The following TSHZ2 variants were observed in gnomAD, a reference collection of about 807,000 sequenced individuals.
The protein encoded by TSHZ2 is teashirt homolog 2.
A neutral mutation model predicts 74.4 loss-of-function variants in TSHZ2; 21 were observed. The observed-to-expected ratio is 0.28, with a 90% confidence interval of 0.20 to 0.41. The LOEUF (loss-of-function observed/expected upper bound fraction) is 0.41. Ranked by LOEUF, TSHZ2 falls within the 10% of genes least tolerant of loss-of-function variation. TSHZ2 has a pLI of 1.00. For synonymous variants in TSHZ2, 540 were observed against 515.3 expected, an observed-to-expected ratio of 1.05 and a Z score of -0.65; for missense variants, 1,244 against 1,293.5, an observed-to-expected ratio of 0.96 and a Z score of 0.59.
At chr20:52,979,031 C>A (rs553429343) in intron 1 of TSHZ2, among the ~76,000 whole-genome samples, 1 of 152,062 alleles carries the variant, frequency 6.6e-6, no homozygotes, top group East Asian at 1.9e-4. Context: ...CTTTGGCAAG[C>A]AGCTCTTCGA....
At chr20:53,137,367 G>A (rs1280306195) in intron 1 of TSHZ2, among the ~76,000 whole-genome samples, 1 of 149,366 alleles carries the variant, frequency 6.7e-6, no homozygotes, top group Non-Finnish European at 1.5e-5. Flanking sequence ...GATCTTGCTG[G>A]CTCCGTCACC....
intron 2 of TSHZ2, among the ~76,000 whole-genome samples, chr20:53,433,851 C>T (rs962337274): frequency 1.3e-5 from 2 of 152,134 alleles, no homozygotes; most frequent in East Asian, 1.9e-4. Context: ...CCAAAAATTT[C>T]CTAAATAAAA....
intron 1 of TSHZ2, among the ~76,000 whole-genome samples, 170 bp downstream of exon 1, chr20:52,973,503 C>T (rs573046082): frequency 6.5e-4 from 99 of 152,310 alleles, no homozygotes; most frequent in Non-Finnish European, 1.3e-3. Flanking sequence ...CTCCCAAATC[C>T]TCCCCTTCCA....
intron 1 of TSHZ2, among the ~76,000 whole-genome samples, chr20:52,976,382 C>A (rs1402575386): frequency 6.6e-6 from 1 of 152,166 alleles, no homozygotes; most frequent in Non-Finnish European, 1.5e-5. Context: ...GTTGAGAAAG[C>A]AGCCTACAGT....
At chr20:53,198,843 T>C (rs1262947605) in intron 1 of TSHZ2, among the ~76,000 whole-genome samples, 2 of 152,162 alleles carry the variant, frequency 1.3e-5, no homozygotes, top group Non-Finnish European at 2.9e-5. Flanking sequence ...AACATAATGG[T>C]GGCTAGTTTT....
chr20:53,023,148 T>C (rs1360434857), intron 1 of TSHZ2, among the ~76,000 whole-genome samples: 1 of 152,224 alleles, frequency 6.6e-6, no homozygotes, highest in African/African-American at 2.4e-5. Context: ...CTTGCTTGAA[T>C]TATAGAAGTC....
At chr20:53,405,117 C>T (rs777279736) in intron 2 of TSHZ2, among the ~76,000 whole-genome samples, 8 of 141,658 alleles carry the variant, frequency 5.6e-5, no homozygotes, top group East Asian at 3.9e-4. Flanking sequence ...GCTGTGGTTG[C>T]GCGTACCTAT....
chr20:53,254,567 G>A lies in TSHZ2; in HGVS notation c.1109G>A (p.Trp370Ter). The change falls in exon 2 of 3, where the codon TGG becomes TAG. Residue 370 changes from tryptophan (W) to a stop codon, truncating the protein, a stop_gained. Coordinates refer to ENST00000371497, the MANE Select transcript of TSHZ2 (RefSeq NM_173485.6). LOFTEE classifies it high-confidence loss of function. ...YGYQNGASYT[W>*]QFEACKSQIL... is the part of the protein sequence containing the mutation. ...TACCAAAATGGAGCCAGCTACACCT[G>A]GCAGTTTGAGGCCTGCAAGTCCCAG... 1 of 1,612,840 alleles carries A rather than the reference G, an allele frequency of 6.2e-7. No individual in the cohort carries two copies.
intron 1 of TSHZ2, among the ~76,000 whole-genome samples, chr20:53,131,734 A>G (rs1987105544): frequency 6.6e-6 from 1 of 151,410 alleles, no homozygotes; most frequent in Non-Finnish European, 1.5e-5. Context: ...CCAGATGTAG[A>G]CATTAGTACC....
chr20:53,137,265 G>A (rs747079174), intron 1 of TSHZ2, among the ~76,000 whole-genome samples: 5 of 151,030 alleles, frequency 3.3e-5, no homozygotes, highest in Non-Finnish European at 7.4e-5. Flanking sequence ...ATCCACAGCT[G>A]GGCAGACAGA....
chr20:53,347,939 C>T (rs937063606), intron 2 of TSHZ2, among the ~76,000 whole-genome samples: 4 of 152,068 alleles, frequency 2.6e-5, no homozygotes, highest in African/African-American at 9.7e-5. Context: ...TTCATGACCC[C>T]GAAAAGAAAC....
chr20:53,276,773 T>G (rs961031248), intron 2 of TSHZ2, among the ~76,000 whole-genome samples: 2 of 152,156 alleles, frequency 1.3e-5, no homozygotes, highest in African/African-American at 2.4e-5. Flanking sequence ...TGCACCCAGA[T>G]GATACCAGTG....
chr20:53,086,607 C>T (rs1166245878), intron 1 of TSHZ2, among the ~76,000 whole-genome samples: 2 of 152,162 alleles, frequency 1.3e-5, no homozygotes, highest in Non-Finnish European at 2.9e-5. Context: ...AACAACCTCT[C>T]CCTGGTGGCC....
At chr20:53,433,584 G>GACACACAGACACAC (rs377070953) in intron 2 of TSHZ2, among the ~76,000 whole-genome samples, 56 of 137,154 alleles carry the variant, frequency 4.1e-4, no homozygotes, top group Middle Eastern at 7.2e-3. Flanking sequence ...CAGACACACA[G>GACACACAGACACAC]ACACACACAC....
chr20:53,176,728 C>G (rs1436541793), intron 1 of TSHZ2, among the ~76,000 whole-genome samples: 1 of 150,602 alleles, frequency 6.6e-6, no homozygotes, highest in African/African-American at 2.4e-5. Flanking sequence ...CGCTCTGTCA[C>G]CAGGCTGGAG....
chr20:53,324,731 T>A (rs1320642327), intron 2 of TSHZ2, among the ~76,000 whole-genome samples: 1 of 152,220 alleles, frequency 6.6e-6, no homozygotes, highest in Non-Finnish European at 1.5e-5. Context: ...CTAGTAGCTC[T>A]TTCTCCTGTA....
At chr20:53,109,889 C>T (rs1014642462) in intron 1 of TSHZ2, among the ~76,000 whole-genome samples, 6 of 152,138 alleles carry the variant, frequency 3.9e-5, no homozygotes, top group Non-Finnish European at 7.4e-5. Context: ...CCTGGGTTCT[C>T]AGCTCAGCTC....
chr20:53,132,048 T>C (rs929309095), intron 1 of TSHZ2, among the ~76,000 whole-genome samples: 1 of 151,622 alleles, frequency 6.6e-6, no homozygotes, highest in African/African-American at 2.4e-5. Context: ...CTGGCTGGAG[T>C]AGAAGGAACC....
chr20:53,001,216 G>GTGTGTGTGTGTGTGTGTGTATA lies in TSHZ2; in HGVS notation c.40+27902_40+27903insATATGTGTGTGTGTGTGTGTGT, dbSNP rs1555813569. Among the ~76,000 whole-genome samples, 254 of 142,656 alleles carry GTGTGTGTGTGTGTGTGTGTATA rather than the reference G, an allele frequency of 1.8e-3. 1 individual carries two copies. The highest frequency in any genetic ancestry group is 6.7e-3 in the African/African-American group (245 of 36,494). 93.6% of individuals were successfully genotyped at this position (142,656 alleles called of 152,430 possible). On this transcript the variant is annotated intron_variant, in intron 1 of 2. Coordinates refer to ENST00000371497, the MANE Select transcript of TSHZ2 (RefSeq NM_173485.6). ...TGTGCGTTCATGTGCGTGTGTGTGT[G>GTGTGTGTGTGTGTGTGTGTATA]TGTGTGTGTGTGTGTGTGTGTGTGT...
Sources: gnomAD v4.1 joint callset for allele counts (sites outside exome capture counted in the v4.1 genomes callset) on GRCh38, gnomAD v4.1.1 for gene constraint, MANE v1.5 for transcripts, NCBI Gene and HGNC (gene_info 2026-07-23, HGNC 2026-07-21) for gene names.